GHRH: variants seen among roughly 807,000 people sequenced by gnomAD.
The protein encoded by GHRH is somatoliberin.
GHRH carries 7 observed loss-of-function variants against 15.6 expected under a neutral mutation model. The ratio of observed to expected loss-of-function variants is 0.45; its 90% CI spans 0.26 to 0.84. The LOEUF (loss-of-function observed/expected upper bound fraction) is 0.84. Among genes scored for constraint, GHRH ranks in the 40% least tolerant of loss-of-function variants. The pLI is 0.18. For missense variants in GHRH, 117 were observed against 138.0 expected (o/e 0.85, Z 0.76); for synonymous variants, 54 against 50.4 (o/e 1.07, Z -0.30).
chr20:37,255,857 C>T (rs1214805759), intron 3 of GHRH, among the ~76,000 whole-genome samples: 1 of 151,794 alleles, frequency 6.6e-6, no homozygotes, highest in Non-Finnish European at 1.5e-5. Context: ...TAGTGAGACC[C>T]CATCTCTACA....
rs760771628 is a variant in GHRH at position 37,258,687 on chromosome 20, C to T, written c.-19-1779G>A. Among the ~76,000 whole-genome samples, 2 of 152,156 alleles carry T rather than the reference C, an allele frequency of 1.3e-5. No homozygotes were observed. The highest frequency in any genetic ancestry group is 2.1e-4 in the South Asian group (1 of 4,828). On this transcript the variant is annotated intron_variant, in intron 1 of 4. Coordinates refer to ENST00000373614, the MANE Select transcript of GHRH (RefSeq NM_021081.6). This position sits in a 1 kb window ranked among gnomAD's most constrained non-coding sequence, Gnocchi z 4.1. ...TGCTCGAGTGAGCACTTGCTGCCAG[C>T]GAATGACAGGGATCTCACTACCCCC...
chr20:37,255,367 T>A (rs2068648990), intron 3 of GHRH, among the ~76,000 whole-genome samples: 2 of 152,046 alleles, frequency 1.3e-5, no homozygotes, highest in South Asian at 4.2e-4. Flanking sequence ...CTTTAAAAGC[T>A]ATTAACCCTG....
chr20:37,256,344 G>GC, intron 3 of GHRH, 50 bp downstream of exon 3: 1 of 1,213,884 alleles, frequency 8.2e-7, no homozygotes, highest in Non-Finnish European at 1.2e-6. Flanking sequence ...ACAAGCTCCT[G>GC]CAGACTCTGC....
Position 37,251,113 on chromosome 20 carries a change from T to A in GHRH, c.*100A>T. Reference sequence around the variant, plus strand: ...TAAATGCACACCGGTATGGGGGAATTTTATTGTATTTTCAAAGGAAAAAGT... The same window carrying A: ...TAAATGCACACCGGTATGGGGGAATATTATTGTATTTTCAAAGGAAAAAGT... On this transcript the variant is annotated 3_prime_UTR_variant, in exon 5 of 5. Coordinates refer to ENST00000373614, the MANE Select transcript of GHRH (RefSeq NM_021081.6). 1.3e-6 allele frequency: 1 copy of A among 749,482 alleles called. No homozygotes were observed. Among genetic ancestry groups the A allele is most frequent in the Non-Finnish European group, 2.2e-6 (1 of 463,822 alleles). The allele number at this position is 749,482 out of a possible 1,614,324, so 46.4% of individuals were successfully genotyped here.
In GHRH at chr20:37,254,264, T is replaced by A; in HGVS notation, c.254A>T (p.Glu85Val). ...GCTCTCCAATTCCATTTGCTTTTGT[T>A]CTGCCCACATGCTGTCTACCTGACG... ...LGRQVDSMWA[E>V]QKQMELESIL... is the part of the protein sequence containing the mutation. Residue 85 changes from glutamate (E) to valine (V), a missense_variant, in exon 4 of 5, where the codon GAA (glutamate) becomes GTA (valine). Glu to Val is a moderately radical substitution (Grantham distance 121, BLOSUM62 -2). Coordinates refer to ENST00000373614, the MANE Select transcript of GHRH (RefSeq NM_021081.6). 1 of 1,614,202 alleles carries A rather than the reference T, an allele frequency of 6.2e-7. No individual in the cohort carries two copies. The highest frequency in any genetic ancestry group is 8.5e-7 in the Non-Finnish European group (1 of 1,180,020).
At chr20:37,256,638 G>A in intron 2 of GHRH, 140 bp from the exon 3 acceptor site, 1 of 729,996 alleles carries the variant, frequency 1.4e-6, no homozygotes, top group Admixed American at 2.6e-5. Flanking sequence ...AGACCCCTCT[G>A]AGTGACCTCT....
intron 4 of GHRH, among the ~76,000 whole-genome samples, chr20:37,253,459 TCACGGAAC>T (rs1798069734): frequency 6.6e-6 from 1 of 152,210 alleles, no homozygotes; most frequent in South Asian, 2.1e-4. Context: ...CTGGGTCGTA[TCACGGAAC>T]CATTTGGTGA....
At chr20:37,256,138 T>G (rs1428107696) in intron 3 of GHRH, among the ~76,000 whole-genome samples, 1 of 152,208 alleles carries the variant, frequency 6.6e-6, no homozygotes, top group Non-Finnish European at 1.5e-5. Context: ...GAGCCTTTGT[T>G]TTTGGCATGG....
rs944795983 is a variant in GHRH at position 37,258,628 on chromosome 20, C to A, written c.-19-1720G>T. ...CCCCTCCCTCCATGACATGAGCATC[C>A]CCACAACACGCACACTGGCTGTCCT... On this transcript the variant is annotated intron_variant, in intron 1 of 4. Transcript: ENST00000373614. This position sits in a 1 kb window ranked among gnomAD's most constrained non-coding sequence, Gnocchi z 4.1. Among the ~76,000 whole-genome samples, 2 of 152,206 alleles carry A rather than the reference C, an allele frequency of 1.3e-5. No individual in the cohort carries two copies. The highest frequency in any genetic ancestry group is 2.9e-5 in the Non-Finnish European group (2 of 68,048).
At chr20:37,254,410 A>G (rs962533194) in intron 3 of GHRH, 81 bp from the exon 4 acceptor site, 1 of 1,433,864 alleles carries the variant, frequency 7.0e-7, no homozygotes, top group Non-Finnish European at 9.8e-7. Flanking sequence ...GCCTATTTCA[A>G]TATCTGGTGT....
At chr20:37,254,052 C>T (rs1255878315) in intron 4 of GHRH, among the ~76,000 whole-genome samples, 158 bp downstream of exon 4, 1 of 152,170 alleles carries the variant, frequency 6.6e-6, no homozygotes, top group Non-Finnish European at 1.5e-5. Flanking sequence ...CCCAGCCACT[C>T]TCCTAGTTCT....
chr20:37,255,802 G>A (rs1032610603), intron 3 of GHRH, among the ~76,000 whole-genome samples: 5 of 152,130 alleles, frequency 3.3e-5, no homozygotes, highest in African/African-American at 1.2e-4. Context: ...GGCCAAGGTG[G>A]GAGGATCACT....
intron 4 of GHRH, among the ~76,000 whole-genome samples, chr20:37,251,864 T>C (rs945199748): frequency 6.6e-6 from 1 of 152,214 alleles, no homozygotes; most frequent in African/African-American, 2.4e-5. Flanking sequence ...ACCAGTGATA[T>C]CCTGGTATTT....
intron 1 of GHRH, among the ~76,000 whole-genome samples, chr20:37,260,997 T>C (rs1337514471): frequency 6.6e-6 from 1 of 152,160 alleles, no homozygotes; most frequent in African/African-American, 2.4e-5. Flanking sequence ...CCTTTGAAAT[T>C]TGAGCACCCC....
chr20:37,254,620 C>T (rs2068644990), intron 3 of GHRH, among the ~76,000 whole-genome samples: 1 of 152,090 alleles, frequency 6.6e-6, no homozygotes, highest in Non-Finnish European at 1.5e-5. Context: ...TACCATCTAC[C>T]AATAATCCAC....
At position 37,251,109 on chromosome 20, in the gene GHRH, G is replaced by T; in HGVS notation, c.*104C>A. 1 of 717,640 alleles carries T rather than the reference G, an allele frequency of 1.4e-6. No homozygotes were observed. Among genetic ancestry groups the T allele is most frequent in the Non-Finnish European group, 2.3e-6 (1 of 434,268 alleles). 44.5% of individuals were successfully genotyped at this position (717,640 alleles called of 1,614,324 possible). A position where few individuals can be genotyped will look rare whatever the true frequency, so the allele number is the denominator to read the frequency against. Reference sequence around the variant, plus strand: ...CATTTAAATGCACACCGGTATGGGGGAATTTTATTGTATTTTCAAAGGAAA... The same window carrying T: ...CATTTAAATGCACACCGGTATGGGGTAATTTTATTGTATTTTCAAAGGAAA... On this transcript the variant is annotated 3_prime_UTR_variant, in exon 5 of 5. Coordinates refer to ENST00000373614, the MANE Select transcript of GHRH (RefSeq NM_021081.6).
intron 4 of GHRH, among the ~76,000 whole-genome samples, chr20:37,252,845 C>T (rs1172058317): frequency 3.3e-5 from 5 of 152,142 alleles, no homozygotes; most frequent in African/African-American, 1.2e-4. Context: ...TCAAGACCAG[C>T]CTGGCCAACA....
intron 4 of GHRH, among the ~76,000 whole-genome samples, chr20:37,253,714 T>G (rs2068636360): frequency 6.6e-6 from 1 of 152,046 alleles, no homozygotes; most frequent in Non-Finnish European, 1.5e-5. Flanking sequence ...GCTGGGATTA[T>G]AGGCATGAGC....
rs184300368 is a variant in GHRH at position 37,255,553 on chromosome 20, C to T, written c.188+841G>A. On this transcript the variant is annotated intron_variant, in intron 3 of 4. Transcript: ENST00000373614. ...GCGGGCACCTGTAGTCTCAGCTACTCGGGAGGCTGGGGCAGGAGAATGGTG... is the reference window on the plus strand; with the variant it reads ...GCGGGCACCTGTAGTCTCAGCTACTTGGGAGGCTGGGGCAGGAGAATGGTG... Among the ~76,000 whole-genome samples, 598 of 145,136 alleles carry T rather than the reference C, an allele frequency of 4.1e-3. 7 individuals are homozygous for T. Among genetic ancestry groups the T allele is most frequent in the African/African-American group, 0.013 (495 of 39,216 alleles).
Sources: gnomAD v4.1 joint callset for allele counts (sites outside exome capture counted in the v4.1 genomes callset) on GRCh38, gnomAD v4.1.1 for gene constraint, Gnocchi (gnomAD v3.1) non-coding constraint, MANE v1.5 for transcripts, NCBI Gene and HGNC (gene_info 2026-07-23, HGNC 2026-07-21) for gene names.